SNRNP70: variants seen among roughly 807,000 people sequenced by gnomAD.
The protein encoded by SNRNP70 is small nuclear ribonucleoprotein U1 subunit 70.
Under a neutral mutation model 50.5 loss-of-function variants are expected in SNRNP70, and 8 were observed. That is an observed-to-expected ratio of 0.16 (90% confidence interval 0.09 to 0.29). The LOEUF is 0.29. Ranked by LOEUF, SNRNP70 falls within the 10% of genes least tolerant of loss-of-function variation. The pLI, the probability that SNRNP70 is intolerant of heterozygous loss-of-function variation, is 1.00. For synonymous variants in SNRNP70, 320 were observed against 252.9 expected (o/e 1.27, Z -2.52); for missense variants, 529 against 663.5 (o/e 0.80, Z 2.23).
Position 49,104,950 on chromosome 19 carries a change from G to A in SNRNP70, c.577+215G>A, listed in dbSNP as rs890882833. On this transcript the variant is annotated intron_variant, in intron 8 of 9. Coordinates refer to ENST00000598441, the MANE Select transcript of SNRNP70 (RefSeq NM_003089.6). This position sits in a 1 kb window ranked among gnomAD's most constrained non-coding sequence, Gnocchi z 5.4. Reference sequence around the variant, plus strand: ...TGTGAGGAGCAGGGGCACCAGCCTGGAGAGGCCTGAGCCCACATGCTGGCG... The same window carrying A: ...TGTGAGGAGCAGGGGCACCAGCCTGAAGAGGCCTGAGCCCACATGCTGGCG... Among the ~76,000 whole-genome samples, 4 of 152,204 alleles carry A rather than the reference G, an allele frequency of 2.6e-5. 1 individual carries two copies. The South Asian group carries it at 6.2e-4, about 24-fold the overall frequency.
Position 49,101,299 on chromosome 19 carries a change from G to A in SNRNP70, c.394-91G>A, listed in dbSNP as rs912727612. 49 of 916,376 alleles carry A rather than the reference G, an allele frequency of 5.3e-5. No homozygotes were observed. The Middle Eastern group carries it at 8.5e-4, about 16-fold the overall frequency. The allele number at this position is 916,376 out of a possible 1,614,324, so 56.8% of individuals were successfully genotyped here. A position where few individuals can be genotyped will look rare whatever the true frequency, so the allele number is the denominator to read the frequency against. On this transcript the variant is annotated intron_variant, in intron 6 of 9. Transcript: ENST00000598441. Reference sequence around the variant, plus strand: ...ACAGAGAGGGTCTGAGGCCTCATCCGGCCCAGGGCCTGGTGTGCAGGCTGT... The same window carrying A: ...ACAGAGAGGGTCTGAGGCCTCATCCAGCCCAGGGCCTGGTGTGCAGGCTGT...
intron 1 of SNRNP70, 89 bp from the exon 2 acceptor site, chr19:49,086,316 G>A (rs1369754008): frequency 7.1e-7 from 1 of 1,416,088 alleles, no homozygotes; most frequent in Non-Finnish European, 9.5e-7. Context: ...CTTTTCTCCT[G>A]TCTTTCTTAT....
chr19:49,086,313 CCT>C, intron 1 of SNRNP70, 90 bp from the exon 2 acceptor site: 1 of 1,401,802 alleles, frequency 7.1e-7, no homozygotes, highest in Non-Finnish European at 9.7e-7. Context: ...AGACTTTTCT[CCT>C]GTCTTTCTTA....
At position 49,104,824 on chromosome 19, in the gene SNRNP70, C is replaced by A; in HGVS notation, c.577+89C>A. ...TCTCTGCTGCTTTCTGCTTCTCTGT[C>A]TCCTGCCGGCCCACCTCTCCCATCG... On this transcript the variant is annotated intron_variant, in intron 8 of 9. Transcript: ENST00000598441. This position sits in a 1 kb window ranked among gnomAD's most constrained non-coding sequence, Gnocchi z 5.4. 1.3e-6 allele frequency: 1 copy of A among 782,092 alleles called. No individual in the cohort carries two copies. The highest frequency in any genetic ancestry group is 2.0e-6 in the Non-Finnish European group (1 of 504,830). The allele number at this position is 782,092 out of a possible 1,614,324, so 48.4% of individuals were successfully genotyped here. A position where few individuals can be genotyped will look rare whatever the true frequency, so the allele number is the denominator to read the frequency against.
chr19:49,107,820 A>C lies in SNRNP70; in HGVS notation c.691A>C (p.Arg231=). Residue 231 remains arginine, a synonymous_variant, in exon 10 of 10, where the codon AGG becomes CGG. Transcript: ENST00000598441. The surrounding 1 kb of genome is among the most constrained non-coding windows in gnomAD (Gnocchi z 6.0). The part of the protein sequence containing the change: ...ERPGPSPLPH[R]DRDRDRERER... The stretch of plus-strand genomic sequence containing the variant: ...GCCCGGCCCCTCCCCGCTTCCGCAC[A>C]GGGACCGGGACCGGGACCGTGAGCG... 1.3e-6 allele frequency: 2 copies of C among 1,595,616 alleles called. No homozygotes were observed. The highest frequency in any genetic ancestry group is 4.5e-5 in the East Asian group (2 of 44,026).
chr19:49,091,285 C>G (rs2040444033), intron 4 of SNRNP70, among the ~76,000 whole-genome samples: 1 of 151,844 alleles, frequency 6.6e-6, no homozygotes, highest in South Asian at 2.1e-4. Flanking sequence ...AGGAGAATCT[C>G]CTGAACCCAG....
intron 4 of SNRNP70, among the ~76,000 whole-genome samples, chr19:49,093,872 A>T (rs1221974256): frequency 6.7e-6 from 1 of 148,892 alleles, no homozygotes; most frequent in African/African-American, 2.5e-5. Flanking sequence ...ACAAAACAAA[A>T]CCTAGCCAGG....
rs774778091 is a variant in SNRNP70 at position 49,086,487 on chromosome 19, C to T, written c.73C>T (p.Leu25=). The T allele has an allele frequency of 3.1e-6, 5 of 1,614,006 alleles. No individual in the cohort carries two copies. Among genetic ancestry groups the T allele is most frequent in the African/African-American group, 2.7e-5 (2 of 74,914 alleles). ...TGACCCTATTCCATACCTGCCACCC[C>T]TGGAGAAACTGCCACATGAAAAACA... is the stretch of plus-strand genomic sequence containing the variant. ...PRDPIPYLPP[L]EKLPHEKHHN... The change falls in exon 2 of 10, where the codon CTG becomes TTG. Residue 25 remains leucine (L), a synonymous_variant. Transcript: ENST00000598441.
At chr19:49,102,456 G>C in intron 7 of SNRNP70, 1 of 274,964 alleles carries the variant, frequency 3.6e-6, no homozygotes, top group Non-Finnish European at 7.5e-6. Context: ...CTGATGACCC[G>C]GCTTCGTGAT....
rs1458056380 is a variant in SNRNP70 at position 49,108,515 on chromosome 19, A to C, written c.*72A>C. The C allele has an allele frequency of 2.0e-6, 3 of 1,520,764 alleles. No homozygotes were observed. The highest frequency in any genetic ancestry group is 2.6e-6 in the Non-Finnish European group (3 of 1,132,646). The allele number at this position is 1,520,764 out of a possible 1,614,324, so 94.2% of individuals were successfully genotyped here. On this transcript the variant is annotated 3_prime_UTR_variant, in exon 10 of 10. Coordinates refer to ENST00000598441, the MANE Select transcript of SNRNP70 (RefSeq NM_003089.6). ...GCCCCTTGCTGTCATCCCCTCCCCC[A>C]ACCTTGGCCACTTGAGTTTGTCCTC...
chr19:49,101,282 G>A (rs879786151), intron 6 of SNRNP70, 108 bp from the exon 7 acceptor site: 7 of 771,250 alleles, frequency 9.1e-6, no homozygotes, highest in Admixed American at 1.9e-5. Flanking sequence ...GGACAGAGAG[G>A]GTCTGAGGCC....
At position 49,090,280 on chromosome 19, in the gene SNRNP70, C is replaced by T. The variant is rs958052092; in HGVS notation, c.148-11C>T. The T allele has an allele frequency of 1.2e-5, 19 of 1,613,352 alleles. No homozygotes were observed. The African/African-American group carries it at 2.4e-4, about 20-fold the overall frequency. On this transcript the variant is annotated splice_polypyrimidine_tract_variant and intron_variant, in intron 2 of 9. Transcript: ENST00000598441. ...TCCTTCCCACCCTGTCACCTCTCTT[C>T]TTGTTCCCAGGACCCTCGAGATGCC...
intron 7 of SNRNP70, chr19:49,103,858 C>T (rs992968478): frequency 3.9e-5 from 6 of 152,408 alleles, no homozygotes; most frequent in Non-Finnish European, 8.8e-5. Context: ...GGCTGGGGTG[C>T]GCTCCCAGCA....
rs555653613 is a variant in SNRNP70 at position 49,093,857 on chromosome 19, CAA to C, written c.265+3341_265+3342del. Among the ~76,000 whole-genome samples, 296 of 150,430 alleles carry C rather than the reference CAA, an allele frequency of 2.0e-3. 9 individuals carry two copies. The highest frequency in any genetic ancestry group is 0.016 in the Admixed American group (243 of 15,082). ...AAAAATACCAAAACAAAAACAAAAA[CAA>C]AAACAAAACAAAACCTAGCCAGGCA... is the stretch of plus-strand genomic sequence containing the variant. On this transcript the variant is annotated intron_variant, in intron 4 of 9. Transcript: ENST00000598441.
At chr19:49,099,004 A>G (rs2040547187) in intron 6 of SNRNP70, among the ~76,000 whole-genome samples, 1 of 152,200 alleles carries the variant, frequency 6.6e-6, no homozygotes, top group South Asian at 2.1e-4. Context: ...CTACTGTTGT[A>G]AGGCAGGGTT....
At chr19:49,101,887 G>A (rs1241178792) in intron 7 of SNRNP70, among the ~76,000 whole-genome samples, 3 of 151,726 alleles carry the variant, frequency 2.0e-5, no homozygotes, top group Non-Finnish European at 4.4e-5. Flanking sequence ...CAGTAGAACT[G>A]GGGCTGGGCC....
At chr19:49,092,514 T>G (rs576317631) in intron 4 of SNRNP70, among the ~76,000 whole-genome samples, 2 of 151,950 alleles carry the variant, frequency 1.3e-5, no homozygotes, top group Non-Finnish European at 2.9e-5. Flanking sequence ...GTTCAAGTGA[T>G]TCTCCTGCCT....
chr19:49,087,114 A>G (rs1304300110), intron 2 of SNRNP70, among the ~76,000 whole-genome samples: 1 of 138,136 alleles, frequency 7.2e-6, no homozygotes, highest in African/African-American at 2.7e-5. Context: ...CAGGAGGCGG[A>G]GGTTGCAATG....
Position 49,108,268 on chromosome 19 carries a change from G to C in SNRNP70, c.1139G>C (p.Arg380Pro), listed in dbSNP as rs772292944. 2.6e-6 allele frequency: 4 copies of C among 1,554,922 alleles called. No homozygotes were observed. Among genetic ancestry groups the C allele is most frequent in the Non-Finnish European group, 3.5e-6 (4 of 1,150,292 alleles). Residue 380 changes from arginine (R) to proline (P), a missense_variant, in exon 10 of 10, where the codon CGG becomes CCG. Arg to Pro is a moderately radical substitution (Grantham distance 103). Coordinates refer to ENST00000598441, the MANE Select transcript of SNRNP70 (RefSeq NM_003089.6). The part of the protein sequence containing the change: ...RDRDRDREHK[R>P]GERGSERGRD... ...CGTGACCGTGACCGCGAGCACAAACGGGGGGAGCGGGGCAGTGAGCGGGGC... is the reference window on the plus strand; with the variant it reads ...CGTGACCGTGACCGCGAGCACAAACCGGGGGAGCGGGGCAGTGAGCGGGGC...
Sources: gnomAD v4.1 joint callset for allele counts (sites outside exome capture counted in the v4.1 genomes callset) on GRCh38, gnomAD v4.1.1 for gene constraint, Gnocchi (gnomAD v3.1) non-coding constraint, MANE v1.5 for transcripts, NCBI Gene and HGNC (gene_info 2026-07-23, HGNC 2026-07-21) for gene names.